The following MAP1B variants were observed in gnomAD, a reference collection of about 807,000 sequenced individuals.
The protein encoded by MAP1B is microtubule associated protein 1B, also known as microtubule-associated protein 1B.
In MAP1B, 12 loss-of-function variants were observed where a neutral mutation model predicts 176.1. The ratio of observed to expected loss-of-function variants is 0.07; its 90% confidence interval spans 0.04 to 0.11. MAP1B has a LOEUF of 0.11. MAP1B is among the 10% of genes least tolerant of loss of function. The pLI, the probability that MAP1B is intolerant of heterozygous loss-of-function variation, is 1.00. For missense variants in MAP1B, 2,523 were observed against 2,990.5 expected (o/e 0.84, Z 3.65); for synonymous variants, 1,044 against 1,135.0 (o/e 0.92, Z 1.61).
At chr5:72,129,671 G>A (rs942867816) in intron 2 of MAP1B, among the ~76,000 whole-genome samples, 4 of 151,578 alleles carry the variant, frequency 2.6e-5, no homozygotes, top group South Asian at 2.1e-4. Context: ...TCCCCTCTCC[G>A]CTGCAGTCAC....
At position 72,208,675 on chromosome 5, in the gene MAP1B, C is replaced by T. The variant is rs989003865; in HGVS notation, c.*3436C>T. ...TGTATATGAATGTTTTAAGTGTCTC[C>T]AATAGCTTATGCAGTCTAGGAGCTT... On this transcript the variant is annotated 3_prime_UTR_variant, in exon 7 of 7. Transcript: ENST00000296755. 1.3e-5 allele frequency: 2 copies of T among 152,108 alleles called. No homozygotes were observed. Among genetic ancestry groups the T allele is most frequent in the African/African-American group, 4.8e-5 (2 of 41,392 alleles). The allele number at this position is 152,108 out of a possible 1,614,324, so 9.4% of individuals were successfully genotyped here. A position where few individuals can be genotyped will look rare whatever the true frequency, so the allele number is the denominator to read the frequency against.
chr5:72,121,373 A>G (rs1745527185), intron 2 of MAP1B, among the ~76,000 whole-genome samples: 1 of 152,220 alleles, frequency 6.6e-6, no homozygotes, highest in African/African-American at 2.4e-5. Flanking sequence ...ATATATTTAC[A>G]TTTTGTCACT....
Position 72,147,943 on chromosome 5 carries a change from G to GT in MAP1B, c.286+32146dup, listed in dbSNP as rs143635442. Among the ~76,000 whole-genome samples, 4 of 152,282 alleles carry GT rather than the reference G, an allele frequency of 2.6e-5. No individual in the cohort carries two copies. The East Asian group carries it at 7.7e-4, about 29-fold the overall frequency. On this transcript the variant is annotated intron_variant, in intron 2 of 6. Coordinates refer to ENST00000296755, the MANE Select transcript of MAP1B (RefSeq NM_005909.5). ...TTAAAAGGAGTCTATGCAAAGCGGA[G>GT]TTCAGGACAGTGGTTTCTAAAGTTT...
intron 2 of MAP1B, among the ~76,000 whole-genome samples, chr5:72,162,845 C>G (rs1746351973): frequency 6.6e-6 from 1 of 152,182 alleles, no homozygotes; most frequent in African/African-American, 2.4e-5. Context: ...ATTATGCCAC[C>G]TGGCTTGAAG....
intron 2 of MAP1B, among the ~76,000 whole-genome samples, chr5:72,135,473 G>C (rs1745822753): frequency 6.6e-6 from 1 of 152,138 alleles, no homozygotes; most frequent in South Asian, 2.1e-4. Flanking sequence ...ACTCTTACCA[G>C]TCTTGATTTC....
Position 72,197,238 on chromosome 5 carries a change from G to A in MAP1B, c.3883G>A (p.Ala1295Thr), listed in dbSNP as rs1747197344. The change falls in exon 5 of 7, where the codon GCC becomes ACC. Residue 1295 changes from alanine to threonine, a missense_variant. By Grantham distance (58) the Ala-to-Thr change is moderately conservative. Transcript: ENST00000296755. ...EIKVSAEAEV[A>T]PVSPEVTQEV... ...TAAAGTCTCTGCAGAGGCAGAAGTA[G>A]CCCCGGTGTCTCCTGAGGTGACCCA... 1.2e-6 allele frequency: 2 copies of A among 1,614,086 alleles called. No individual in the cohort carries two copies. The highest frequency in any genetic ancestry group is 2.7e-5 in the African/African-American group (2 of 74,928).
chr5:72,146,436 G>A (rs770264737), intron 2 of MAP1B, among the ~76,000 whole-genome samples: 7 of 152,214 alleles, frequency 4.6e-5, no homozygotes, highest in South Asian at 2.1e-4. Context: ...GCCAGCCTGC[G>A]TTGATCTTCA....
intron 2 of MAP1B, among the ~76,000 whole-genome samples, chr5:72,153,903 TAA>T (rs201048800): frequency 0.014 from 2,169 of 150,516 alleles, 36 homozygotes; most frequent in East Asian, 0.044. Context: ...GATGTTCATT[TAA>T]AAAAAAAATC....
intron 4 of MAP1B, among the ~76,000 whole-genome samples, chr5:72,193,577 G>A (rs1419303658): frequency 6.6e-6 from 1 of 152,184 alleles, no homozygotes; most frequent in Admixed American, 6.5e-5. Flanking sequence ...GCATTCCCCT[G>A]CTGGGCAGGA....
At position 72,207,429 on chromosome 5, in the gene MAP1B, T is replaced by C. The variant is rs1237617902; in HGVS notation, c.*2190T>C. ...AAATGCTTCTTCAGGGTCCTTTCAC[T>C]GAGGACCTATGCAGTCTACTTAATG... is the stretch of plus-strand genomic sequence containing the variant. On this transcript the variant is annotated 3_prime_UTR_variant, in exon 7 of 7. Transcript: ENST00000296755. 6.6e-6 allele frequency: 1 copy of C among 152,268 alleles called. No homozygotes were observed. 9.4% of individuals were successfully genotyped at this position (152,268 alleles called of 1,614,324 possible).
In MAP1B at chr5:72,194,765, A is replaced by G. The variant is rs1428231209; in HGVS notation, c.1410A>G (p.Ser470=). The change falls in exon 5 of 7, where the codon TCA becomes TCG. Residue 470 remains serine, a synonymous_variant. Coordinates refer to ENST00000296755, the MANE Select transcript of MAP1B (RefSeq NM_005909.5). The surrounding 1 kb of genome is among the most constrained non-coding windows in gnomAD (Gnocchi z 7.2). ...CGATTTCCTACTTAACTTCAGTCTC[A>G]TCTTTGATTGTGTGGCATCCAGCAA... ...DLPISYLTSV[S]SLIVWHPANP... 1.9e-5 allele frequency: 31 copies of G among 1,614,170 alleles called. No homozygotes were observed. The highest frequency in any genetic ancestry group is 2.6e-5 in the Non-Finnish European group (31 of 1,180,032).
At chr5:72,131,571 C>A (rs1579987938) in intron 2 of MAP1B, among the ~76,000 whole-genome samples, 1 of 152,320 alleles carries the variant, frequency 6.6e-6, no homozygotes, top group East Asian at 1.9e-4. Context: ...AGAAAACTAT[C>A]TGAATATTTA....
At chr5:72,129,861 A>G (rs1026010620) in intron 2 of MAP1B, among the ~76,000 whole-genome samples, 9 of 152,228 alleles carry the variant, frequency 5.9e-5, no homozygotes, top group Non-Finnish European at 1.3e-4. Flanking sequence ...TATACAAATT[A>G]TTAGACAATG....
At position 72,200,384 on chromosome 5, in the gene MAP1B, G is replaced by C; in HGVS notation, c.7012+17G>C. 6.2e-7 allele frequency: 1 copy of C among 1,609,300 alleles called. No homozygotes were observed. Among genetic ancestry groups the C allele is most frequent in the South Asian group, 1.1e-5 (1 of 90,224 alleles). On this transcript the variant is annotated intron_variant, in intron 5 of 6. Transcript: ENST00000296755. The stretch of plus-strand genomic sequence containing the variant: ...CCACTGCAGGTAGGTTGAGAAGGCT[G>C]GGCATTGGATATATGTCACAACCAT...
chr5:72,160,123 T>G (rs922272865), intron 2 of MAP1B, among the ~76,000 whole-genome samples: 2 of 151,896 alleles, frequency 1.3e-5, no homozygotes, highest in African/African-American at 4.8e-5. Context: ...ATTTTCACTT[T>G]GAGCATAAAT....
At position 72,195,647 on chromosome 5, in the gene MAP1B, G is replaced by T. The variant is rs749304223; in HGVS notation, c.2292G>T (p.Glu764Asp). Residue 764 changes from glutamate to aspartate, a missense_variant, in exon 5 of 7, where the codon GAG becomes GAT. Glu to Asp is a conservative substitution (Grantham distance 45, BLOSUM62 2). This residue lies in a region of MAP1B where 1,925 missense variants were observed against 2,126.0 expected (regional missense o/e 0.91). Transcript: ENST00000296755. ...ALKPKVPKKE[E>D]SVKKDSVAAG... ...AACCAAAAGTACCCAAGAAGGAAGA[G>T]TCTGTCAAGAAAGATTCTGTTGCTG... is the stretch of plus-strand genomic sequence containing the variant. 6.2e-7 allele frequency: 1 copy of T among 1,614,022 alleles called. No homozygotes were observed. The highest frequency in any genetic ancestry group is 8.5e-7 in the Non-Finnish European group (1 of 1,179,954).
At chr5:72,164,633 T>C (rs1446483867) in intron 2 of MAP1B, among the ~76,000 whole-genome samples, 7 of 152,180 alleles carry the variant, frequency 4.6e-5, no homozygotes, top group South Asian at 2.1e-4. Flanking sequence ...ATGGAAATCA[T>C]GTGCAGGGTA....
intron 2 of MAP1B, among the ~76,000 whole-genome samples, chr5:72,153,601 G>A (rs756264422): frequency 2.6e-5 from 4 of 151,890 alleles, no homozygotes; most frequent in South Asian, 2.1e-4. Flanking sequence ...GATATGTGGC[G>A]TGTGGTGGTG....
Position 72,153,255 on chromosome 5 carries a change from A to G in MAP1B, c.287-30488A>G, listed in dbSNP as rs116791093. Among the ~76,000 whole-genome samples the G allele has an allele frequency of 8.8e-3, 1,336 of 152,196 alleles. 15 individuals are homozygous for G. Among genetic ancestry groups the G allele is most frequent in the African/African-American group, 0.031 (1,277 of 41,524 alleles). On this transcript the variant is annotated intron_variant, in intron 2 of 6. Transcript: ENST00000296755. ...ACAGCAGCAGATGGTGTTGCCCACC[A>G]TGGGCAGAGATCTCACATGAGAGAG...
Sources: allele counts gnomAD v4.1 joint callset (sites outside exome capture counted in the v4.1 genomes callset), GRCh38; gene constraint gnomAD v4.1.1; regional missense constraint gnomAD v4.1.1; non-coding constraint Gnocchi (gnomAD v3.1); transcripts MANE v1.5; gene names NCBI Gene and HGNC (gene_info 2026-07-23, HGNC 2026-07-21).